Variants in FOCAD observed in about 807,000 individuals in gnomAD.
FOCAD encodes focadhesin.
Under a neutral mutation model 225.6 loss-of-function variants are expected in FOCAD, and 198 were observed. The observed-to-expected ratio is 0.88, with a 90% confidence interval of 0.78 to 0.99. The LOEUF is 0.99. FOCAD is among the 50% of genes least tolerant of loss of function. FOCAD has a pLI of 0.00. For missense variants in FOCAD, 2,713 were observed against 2,123.6 expected, an observed-to-expected ratio of 1.28 and a Z score of -5.46; for synonymous variants, 897 against 755.0, an observed-to-expected ratio of 1.19 and a Z score of -3.08.
Position 20,781,749 on chromosome 9 carries a change from T to A in FOCAD, c.1017T>A (p.Thr339=), listed in dbSNP as rs763454228. The part of the protein sequence containing the change: ...LNLALKLLSV[T]EDQKIPKSSL... ...TAGCTTTGAAGCTCCTCTCTGTTAC[T>A]GAGGATCAGAAAATCCCAAAGTCCT... The change falls in exon 10 of 44, where the codon ACT becomes ACA. Residue 339 remains threonine (T), a synonymous_variant. Transcript: ENST00000338382. 6.2e-7 allele frequency: 1 copy of A among 1,613,834 alleles called. No homozygotes were observed. Among genetic ancestry groups the A allele is most frequent in the Non-Finnish European group, 8.5e-7 (1 of 1,179,914 alleles).
At chr9:20,742,076 C>G (rs901741501) in intron 5 of FOCAD, among the ~76,000 whole-genome samples, 41 of 152,184 alleles carry the variant, frequency 2.7e-4, no homozygotes, top group African/African-American at 9.4e-4. Flanking sequence ...ACATCTTCAT[C>G]ATCTCCAAAG....
At chr9:20,749,147 G>T (rs1393042731) in intron 5 of FOCAD, among the ~76,000 whole-genome samples, 1 of 151,998 alleles carries the variant, frequency 6.6e-6, no homozygotes, top group African/African-American at 2.4e-5. Flanking sequence ...TTCTGACATT[G>T]GCAGGCACCA....
intron 4 of FOCAD, among the ~76,000 whole-genome samples, chr9:20,723,710 A>G (rs1825973761): frequency 6.6e-6 from 1 of 152,236 alleles, no homozygotes; most frequent in African/African-American, 2.4e-5. Flanking sequence ...CAGAAATAGT[A>G]GCCTATTACA....
At chr9:20,835,952 T>G (rs891326865) in intron 15 of FOCAD, among the ~76,000 whole-genome samples, 8 of 152,100 alleles carry the variant, frequency 5.3e-5, no homozygotes, top group Non-Finnish European at 1.2e-4. Flanking sequence ...AGAGTTCATT[T>G]CAGGCCATTT....
intron 2 of FOCAD, among the ~76,000 whole-genome samples, chr9:20,674,587 T>C (rs1304614515): frequency 2.0e-5 from 3 of 152,214 alleles, no homozygotes; most frequent in Non-Finnish European, 2.9e-5. Context: ...ATCTTTGAAG[T>C]CCAGGCTGTG....
chr9:20,719,520 A>G lies in FOCAD; in HGVS notation c.133-860A>G, dbSNP rs183511760. Reference sequence around the variant, plus strand: ...TTATTTGTTCTTTTTTTTTTATAATACAACTGTGTGTAAGTCTAAATGGAC... The same window carrying G: ...TTATTTGTTCTTTTTTTTTTATAATGCAACTGTGTGTAAGTCTAAATGGAC... On this transcript the variant is annotated intron_variant, in intron 3 of 43. Coordinates refer to ENST00000338382, the MANE Select transcript of FOCAD (RefSeq NM_001375567.1). Among the ~76,000 whole-genome samples, 5 of 152,164 alleles carry G rather than the reference A, an allele frequency of 3.3e-5. No homozygotes were observed. In the East Asian group the frequency reaches 7.7e-4, roughly 23 times the overall value.
At position 20,754,645 on chromosome 9, in the gene FOCAD, C is replaced by G. The variant is rs145216370; in HGVS notation, c.393-3445C>G. Among the ~76,000 whole-genome samples the G allele has an allele frequency of 5.0e-3, 761 of 151,950 alleles. 5 individuals are homozygous for G. The highest frequency in any genetic ancestry group is 8.5e-3 in the Non-Finnish European group (577 of 67,974). ...ATTTACTCAATGGAGTGATTCTTGA[C>G]CAGGAGCAATTTTGTCCTCCAGGGG... is the stretch of plus-strand genomic sequence containing the variant. On this transcript the variant is annotated intron_variant, in intron 5 of 43. Transcript: ENST00000338382.
At chr9:20,727,631 A>G (rs998439623) in intron 4 of FOCAD, among the ~76,000 whole-genome samples, 2 of 152,104 alleles carry the variant, frequency 1.3e-5, no homozygotes, top group African/African-American at 4.8e-5. Flanking sequence ...ATATAGTTTT[A>G]TAGTTTTCTC....
chr9:20,770,368 C>T, intron 8 of FOCAD, 130 bp downstream of exon 8: 1 of 814,326 alleles, frequency 1.2e-6, no homozygotes. Context: ...ATGGTGCTGG[C>T]ATCTGCTTAG....
At chr9:20,967,258 T>C (rs894203833) in intron 35 of FOCAD, among the ~76,000 whole-genome samples, 4 of 152,300 alleles carry the variant, frequency 2.6e-5, no homozygotes, top group Non-Finnish European at 5.9e-5. Flanking sequence ...TATTCCCAGA[T>C]ATTTCATTCT....
Position 20,781,768 on chromosome 9 carries a change from A to G in FOCAD, c.1036A>G (p.Lys346Glu), listed in dbSNP as rs1408336243. The change falls in exon 10 of 44, where the codon AAG becomes GAG. Residue 346 changes from lysine (K) to glutamate (E), a missense_variant. Physicochemically the swap from Lys to Glu is moderately conservative, Grantham distance 56. Transcript: ENST00000338382. ...TGTTACTGAGGATCAGAAAATCCCA[A>G]AGTCCTCTCTGCTGCTAGTGATGCC... The part of the protein sequence containing the change: ...LSVTEDQKIP[K>E]SSLLLVMPIL... 1.2e-6 allele frequency: 2 copies of G among 1,613,920 alleles called. No homozygotes were observed. Among genetic ancestry groups the G allele is most frequent in the East Asian group, 2.2e-5 (1 of 44,886 alleles).
intron 20 of FOCAD, among the ~76,000 whole-genome samples, chr9:20,883,915 A>C (rs1309931422): frequency 6.6e-6 from 1 of 152,168 alleles, no homozygotes; most frequent in Non-Finnish European, 1.5e-5. Flanking sequence ...AAGATAATAA[A>C]ACTCAGTGCA....
chr9:20,828,981 G>C (rs1825206893), intron 15 of FOCAD, among the ~76,000 whole-genome samples: 1 of 152,086 alleles, frequency 6.6e-6, no homozygotes, highest in Non-Finnish European at 1.5e-5. Flanking sequence ...TCCTTTTTAT[G>C]GCTGCATAGT....
At position 20,778,762 on chromosome 9, in the gene FOCAD, A is replaced by G; in HGVS notation, c.988A>G (p.Asn330Asp). 6.3e-7 allele frequency: 1 copy of G among 1,589,428 alleles called. No homozygotes were observed. Among genetic ancestry groups the G allele is most frequent in the Non-Finnish European group, 8.6e-7 (1 of 1,158,732 alleles). ...AGCAAGTCAGCAGAAGCCAATCTTA[A>G]ATCTAGGTAAATAAAAATACAGTCA... ...TPASQQKPIL[N>D]LALKLLSVTE... Residue 330 changes from asparagine (N) to aspartate (D), a missense_variant, in exon 9 of 44, where the codon AAT (asparagine) becomes GAT (aspartate). Coordinates refer to ENST00000338382, the MANE Select transcript of FOCAD (RefSeq NM_001375567.1).
intron 11 of FOCAD, among the ~76,000 whole-genome samples, chr9:20,807,026 C>A (rs1164758344): frequency 6.6e-6 from 1 of 152,082 alleles, no homozygotes; most frequent in African/African-American, 2.4e-5. Context: ...GTATGTTTTC[C>A]TGTCTTTAAA....
chr9:20,781,331 A>G (rs111659947), intron 9 of FOCAD, among the ~76,000 whole-genome samples: 1,992 of 152,248 alleles, frequency 0.013, 53 homozygotes, highest in African/African-American at 0.045. Flanking sequence ...TGCTAATAGG[A>G]TTCTTAGCTG....
Position 20,706,331 on chromosome 9 carries a change from C to A in FOCAD, c.-32-8991C>A, listed in dbSNP as rs187800180. ...CTGCCTTTGATCTTATTTTAGGCTCCCATTTCAAAATCTGTAAGTAGCATG... is the reference window on the plus strand; with the variant it reads ...CTGCCTTTGATCTTATTTTAGGCTCACATTTCAAAATCTGTAAGTAGCATG... On this transcript the variant is annotated intron_variant, in intron 1 of 43. Coordinates refer to ENST00000338382, the MANE Select transcript of FOCAD (RefSeq NM_001375567.1). Among the ~76,000 whole-genome samples, 137 of 152,128 alleles carry A rather than the reference C, an allele frequency of 9.0e-4. 1 individual carries two copies. The highest frequency in any genetic ancestry group is 3.1e-3 in the African/African-American group (129 of 41,500).
chr9:20,981,741 G>T lies in FOCAD; in HGVS notation c.4638+55G>T. On this transcript the variant is annotated intron_variant, in intron 38 of 43. Transcript: ENST00000338382. ...CAATTTATGTTTGGGATATTTTAAA[G>T]GCTTCTTGGCAAAGTGGGGAGGTGT... 1.9e-6 allele frequency: 3 copies of T among 1,552,334 alleles called. No homozygotes were observed. In the Admixed American group the frequency reaches 5.8e-5, roughly 30 times the overall value.
At chr9:20,829,104 C>G (rs534706759) in intron 15 of FOCAD, among the ~76,000 whole-genome samples, 6 of 151,950 alleles carry the variant, frequency 3.9e-5, no homozygotes, top group African/African-American at 1.4e-4. Context: ...AATATACGTG[C>G]GCATGTGTCT....
Sources: gnomAD v4.1 joint callset for allele counts (sites outside exome capture counted in the v4.1 genomes callset) on GRCh38, gnomAD v4.1.1 for gene constraint, MANE v1.5 for transcripts, NCBI Gene and HGNC (gene_info 2026-07-23, HGNC 2026-07-21) for gene names.